WDFY4: variants seen among roughly 807,000 people sequenced by gnomAD.
WDFY4 encodes WDFY family member 4.
A neutral mutation model predicts 351.9 loss-of-function variants in WDFY4; 169 were observed. That is an observed-to-expected ratio of 0.48 (90% CI 0.42 to 0.55). WDFY4 has a LOEUF of 0.55. Ranked by LOEUF, WDFY4 falls within the 20% of genes least tolerant of loss-of-function variation. WDFY4 has a pLI of 0.00. For missense variants in WDFY4, 3,803 were observed against 3,935.6 expected (o/e 0.97, Z 0.90); for synonymous variants, 1,622 against 1,574.6 (o/e 1.03, Z -0.71).
intron 13 of WDFY4, among the ~76,000 whole-genome samples, chr10:48,773,260 G>A (rs2065925309): frequency 6.6e-6 from 1 of 152,336 alleles, no homozygotes; most frequent in South Asian, 2.1e-4. Context: ...GCCGTGGCAG[G>A]TATACCTCTC....
chr10:48,742,033 A>T (rs747525891), intron 11 of WDFY4, among the ~76,000 whole-genome samples: 53 of 152,162 alleles, frequency 3.5e-4, no homozygotes, highest in Non-Finnish European at 6.0e-4. Context: ...AACTGCTTAA[A>T]TGTAGCCCCC....
At chr10:48,933,287 G>A (rs2671709) in intron 47 of WDFY4, among the ~76,000 whole-genome samples, 127,091 of 152,196 alleles carry the variant, frequency 0.84, 54,894 homozygotes, top group Non-Finnish European at 0.94. Context: ...AAGTCTAAGT[G>A]CCTCATGTGC....
intron 53 of WDFY4, among the ~76,000 whole-genome samples, chr10:48,960,096 G>A (rs377324947): frequency 6.6e-6 from 1 of 152,212 alleles, no homozygotes; most frequent in Non-Finnish European, 1.5e-5. Context: ...AGTGTCCTCA[G>A]CCAGCCCTAC....
At position 48,873,520 on chromosome 10, in the gene WDFY4, C is replaced by T; in HGVS notation, c.6771C>T (p.Ala2257=). The change falls in exon 41 of 62, where the codon GCC becomes GCT. Residue 2257 remains alanine (A), a synonymous_variant. Transcript: ENST00000325239. ...QRRKCGNIKA[A]NAWARIQEQL... ...GAAAATGTGGCAACATCAAGGCAGC[C>T]AACGCCTGGGCCAGGATCCAGGAGC... 1 of 1,551,252 alleles carries T rather than the reference C, an allele frequency of 6.4e-7. No homozygotes were observed. The highest frequency in any genetic ancestry group is 1.2e-5 in the South Asian group (1 of 84,012).
chr10:48,782,924 AG>A (rs1447885363), intron 19 of WDFY4, among the ~76,000 whole-genome samples: 1 of 152,112 alleles, frequency 6.6e-6, no homozygotes, highest in African/African-American at 2.4e-5. Context: ...GGTGGGTTGG[AG>A]GGGTGAGTGG....
intron 53 of WDFY4, 36 bp from the exon 54 acceptor site, chr10:48,963,806 G>T: frequency 6.5e-7 from 1 of 1,547,012 alleles, no homozygotes; most frequent in Non-Finnish European, 8.7e-7. Context: ...TCCATGAGTG[G>T]CCTGGGTTTT....
intron 43 of WDFY4, among the ~76,000 whole-genome samples, chr10:48,890,036 C>T (rs2070627772): frequency 6.6e-6 from 1 of 152,198 alleles, no homozygotes. Context: ...TCACCTCGGT[C>T]CAAGAGGAAG....
Position 48,788,564 on chromosome 10 carries a change from T to C in WDFY4, c.3843T>C (p.Val1281=), listed in dbSNP as rs1319488063. The change falls in exon 21 of 62, where the codon GTT becomes GTC. Residue 1281 remains valine, a synonymous_variant. Coordinates refer to ENST00000325239, the MANE Select transcript of WDFY4 (RefSeq NM_001394531.1). ...EDLDSEATPF[V]AEERVSFGLH... Reference sequence around the variant, plus strand: ...TGGACAGTGAAGCCACGCCCTTTGTTGCAGAAGAAAGAGTTTCTTTTGGAC... The same window carrying C: ...TGGACAGTGAAGCCACGCCCTTTGTCGCAGAAGAAAGAGTTTCTTTTGGAC... 6.4e-7 allele frequency: 1 copy of C among 1,552,090 alleles called. No homozygotes were observed. Among genetic ancestry groups the C allele is most frequent in the East Asian group, 2.4e-5 (1 of 40,932 alleles).
In WDFY4 at chr10:48,776,804, C is replaced by T. The variant is rs1355757265; in HGVS notation, c.2918C>T (p.Ala973Val). The T allele has an allele frequency of 5.2e-6, 8 of 1,551,302 alleles. No homozygotes were observed. The highest frequency in any genetic ancestry group is 7.0e-6 in the Non-Finnish European group (8 of 1,146,972). The part of the protein sequence containing the change: ...AEGPWPAAPD[A>V]GLHPGVTQAP... ...GGGCCCTGGCCAGCTGCCCCAGATG[C>T]TGGGCTGCACCCTGGAGTCACACAG... is the stretch of plus-strand genomic sequence containing the variant. Residue 973 changes from alanine to valine, a missense_variant, in exon 16 of 62, where the codon GCT becomes GTT. Ala to Val is a moderately conservative substitution (Grantham distance 64, BLOSUM62 0). Coordinates refer to ENST00000325239, the MANE Select transcript of WDFY4 (RefSeq NM_001394531.1).
At chr10:48,753,047 A>T (rs866356846) in intron 12 of WDFY4, among the ~76,000 whole-genome samples, 39 of 152,252 alleles carry the variant, frequency 2.6e-4, no homozygotes, top group African/African-American at 7.2e-4. Flanking sequence ...CCTTTAAAAA[A>T]TTTTTTAGCC....
At chr10:48,719,665 G>C (rs1456721984) in intron 2 of WDFY4, among the ~76,000 whole-genome samples, 1 of 152,230 alleles carries the variant, frequency 6.6e-6, no homozygotes, top group Non-Finnish European at 1.5e-5. Flanking sequence ...GAGAAACCTG[G>C]AGAGGCACTC....
chr10:48,805,912 C>T (rs1166855123), intron 26 of WDFY4, 92 bp from the exon 27 acceptor site: 42 of 1,010,896 alleles, frequency 4.2e-5, no homozygotes, highest in Non-Finnish European at 4.9e-5. Context: ...TGCAGCTGCA[C>T]GTGGGTGGGT....
At chr10:48,850,458 T>C (rs775954553) in intron 39 of WDFY4, among the ~76,000 whole-genome samples, 1 of 152,224 alleles carries the variant, frequency 6.6e-6, no homozygotes, top group Non-Finnish European at 1.5e-5. Flanking sequence ...TTTTTTCTCA[T>C]AGTATTTAAC....
At position 48,913,762 on chromosome 10, in the gene WDFY4, G is replaced by A. The variant is rs557089213; in HGVS notation, c.7586+11899G>A. 164 of 1,614,076 alleles carry A rather than the reference G, an allele frequency of 1.0e-4. 2 individuals are homozygous for A. The South Asian group carries it at 1.7e-3, about 17-fold the overall frequency. ...AGTGTGGTGGGCACGCTGTCCAGGT[G>A]GTTCAAGCCTAGGTTCACAGCGCGG... On this transcript the variant is annotated intron_variant, in intron 47 of 61. Coordinates refer to ENST00000325239, the MANE Select transcript of WDFY4 (RefSeq NM_001394531.1).
At chr10:48,925,071 T>A (rs1382614282) in intron 47 of WDFY4, among the ~76,000 whole-genome samples, 1 of 152,198 alleles carries the variant, frequency 6.6e-6, no homozygotes, top group Non-Finnish European at 1.5e-5. Flanking sequence ...GTCATGTGGA[T>A]GAGAAATATC....
intron 47 of WDFY4, among the ~76,000 whole-genome samples, chr10:48,920,094 TG>T (rs1320710978): frequency 6.6e-6 from 1 of 151,544 alleles, no homozygotes; most frequent in African/African-American, 2.4e-5. Flanking sequence ...AATCAGTTAA[TG>T]TAACATACCA....
At chr10:48,722,030 A>T (rs1429372517) in intron 4 of WDFY4, among the ~76,000 whole-genome samples, 4 of 152,252 alleles carry the variant, frequency 2.6e-5, no homozygotes, top group South Asian at 2.1e-4. Flanking sequence ...CCCTCAGTGT[A>T]ACTTCTCCAA....
At chr10:48,842,457 G>C (rs1163873603) in intron 39 of WDFY4, among the ~76,000 whole-genome samples, 1 of 152,138 alleles carries the variant, frequency 6.6e-6, no homozygotes, top group Non-Finnish European at 1.5e-5. Context: ...CAGGACCTGA[G>C]CTGTGGTGCG....
intron 1 of WDFY4, among the ~76,000 whole-genome samples, chr10:48,689,954 G>T (rs2063152589): frequency 6.6e-6 from 1 of 152,238 alleles, no homozygotes; most frequent in South Asian, 2.1e-4. Flanking sequence ...ACTGAGCTGG[G>T]ATTTGATCCT....
Sources: gnomAD v4.1 joint callset for allele counts (sites outside exome capture counted in the v4.1 genomes callset) on GRCh38, gnomAD v4.1.1 for gene constraint, MANE v1.5 for transcripts, NCBI Gene and HGNC (gene_info 2026-07-23, HGNC 2026-07-21) for gene names.